Variants in PCDH9 observed in about 807,000 individuals in gnomAD.
The protein encoded by PCDH9 is protocadherin 9.
Under a neutral mutation model 70.6 loss-of-function variants are expected in PCDH9, and 24 were observed. The ratio of observed to expected loss-of-function variants is 0.34; its 90% CI spans 0.25 to 0.48. The LOEUF (loss-of-function observed/expected upper bound fraction) is 0.48. PCDH9 is among the 20% of genes least tolerant of loss of function. The pLI is 0.99. For synonymous variants in PCDH9, 562 were observed against 558.5 expected (o/e 1.01, Z -0.09); for missense variants, 1,281 against 1,503.6 (o/e 0.85, Z 2.45).
chr13:66,429,308 G>A (rs1032895803), intron 4 of PCDH9, among the ~76,000 whole-genome samples: 2 of 151,606 alleles, frequency 1.3e-5, no homozygotes, highest in African/African-American at 4.8e-5. Flanking sequence ...ACAAGCTAAT[G>A]TCATTTCCCA....
chr13:67,134,975 G>C (rs2087199683), intron 2 of PCDH9, among the ~76,000 whole-genome samples: 1 of 152,068 alleles, frequency 6.6e-6, no homozygotes, highest in South Asian at 2.1e-4. Context: ...AAAGTGAAAA[G>C]TGAAAACTTT....
intron 3 of PCDH9, among the ~76,000 whole-genome samples, chr13:66,876,176 A>C (rs1343014882): frequency 6.6e-6 from 1 of 152,186 alleles, no homozygotes; most frequent in Non-Finnish European, 1.5e-5. Flanking sequence ...ACTTACTAAA[A>C]CCAATAGCCA....
intron 4 of PCDH9, among the ~76,000 whole-genome samples, chr13:66,352,752 A>G (rs1486211701): frequency 6.6e-6 from 1 of 152,196 alleles, no homozygotes; most frequent in Non-Finnish European, 1.5e-5. Flanking sequence ...GTACATAATA[A>G]TAACCCATCT....
chr13:66,862,055 T>C (rs1343720416), intron 3 of PCDH9, among the ~76,000 whole-genome samples: 5 of 152,242 alleles, frequency 3.3e-5, no homozygotes, highest in East Asian at 3.8e-4. Flanking sequence ...TTGTGTCACA[T>C]TGAACTTGCA....
At chr13:66,330,086 T>C (rs1456594151) in intron 4 of PCDH9, among the ~76,000 whole-genome samples, 1 of 152,256 alleles carries the variant, frequency 6.6e-6, no homozygotes, top group Non-Finnish European at 1.5e-5. Flanking sequence ...ACAGCAAGAC[T>C]GGCTGAGAAA....
rs75349589 is a variant in PCDH9, at chr13:67,174,314, G to GATACATAC, written c.3036+51083_3036+51090dup. The stretch of plus-strand genomic sequence containing the variant: ...CAGATGATAGATAGATAGATAGATA[G>GATACATAC]ATACATACATACATACATACATACA... On this transcript the variant is annotated intron_variant, in intron 2 of 4. Transcript: ENST00000377865. Among the ~76,000 whole-genome samples, 1,426 of 149,558 alleles carry GATACATAC rather than the reference G, an allele frequency of 9.5e-3. 17 individuals are homozygous for GATACATAC. Among genetic ancestry groups the GATACATAC allele is most frequent in the African/African-American group, 0.026 (1,033 of 40,312 alleles).
At chr13:67,174,146 T>C (rs1438944364) in intron 2 of PCDH9, among the ~76,000 whole-genome samples, 1 of 152,126 alleles carries the variant, frequency 6.6e-6, no homozygotes, top group Non-Finnish European at 1.5e-5. Flanking sequence ...AAATTAAAAA[T>C]CCCTCTTAAG....
chr13:66,887,823 C>T (rs183183385), intron 3 of PCDH9, among the ~76,000 whole-genome samples: 19 of 152,148 alleles, frequency 1.2e-4, no homozygotes, highest in South Asian at 6.2e-4. Context: ...AACCTGATTG[C>T]AAAATGTTAA....
chr13:67,218,772 G>A (rs2089662780), intron 2 of PCDH9: 1 of 151,894 alleles, frequency 6.6e-6, no homozygotes, highest in African/African-American at 2.4e-5. Context: ...ATTTTCTCAA[G>A]GATCCAGAAT....
intron 2 of PCDH9, among the ~76,000 whole-genome samples, chr13:67,064,901 T>C (rs2085613793): frequency 6.9e-6 from 1 of 144,590 alleles, no homozygotes; most frequent in African/African-American, 2.6e-5. Flanking sequence ...AATAGATAGA[T>C]AGATAGATAG....
intron 3 of PCDH9, among the ~76,000 whole-genome samples, chr13:66,736,676 T>A (rs2079153748): frequency 6.6e-6 from 1 of 152,208 alleles, no homozygotes; most frequent in Non-Finnish European, 1.5e-5. Context: ...AACTGGTCAT[T>A]GCAACATTTT....
At chr13:66,348,988 G>A (rs1303942152) in intron 4 of PCDH9, among the ~76,000 whole-genome samples, 1 of 152,060 alleles carries the variant, frequency 6.6e-6, no homozygotes, top group Non-Finnish European at 1.5e-5. Context: ...ATATAAATGA[G>A]ATGCCAAAAA....
intron 3 of PCDH9, among the ~76,000 whole-genome samples, chr13:66,887,571 T>C (rs1371323750): frequency 6.6e-6 from 1 of 152,208 alleles, no homozygotes; most frequent in Non-Finnish European, 1.5e-5. Flanking sequence ...TGTAACAATA[T>C]GAAATCACGG....
At chr13:66,672,760 T>C (rs2078194024) in intron 3 of PCDH9, among the ~76,000 whole-genome samples, 1 of 152,204 alleles carries the variant, frequency 6.6e-6, no homozygotes, top group South Asian at 2.1e-4. Context: ...AGTCAAAGCA[T>C]ATCATTTTGG....
At chr13:66,409,545 G>A (rs796295869) in intron 4 of PCDH9, among the ~76,000 whole-genome samples, 15 of 145,202 alleles carry the variant, frequency 1.0e-4, no homozygotes, top group African/African-American at 3.5e-4. Context: ...CAAATTCTCC[G>A]ACTTAATAAC....
intron 4 of PCDH9, among the ~76,000 whole-genome samples, chr13:66,564,055 T>C (rs2076615633): frequency 1.3e-5 from 2 of 152,208 alleles, no homozygotes; most frequent in South Asian, 2.1e-4. Flanking sequence ...TAAGGCACAA[T>C]TGTGGGAGAA....
rs780906251 is a variant in PCDH9 at position 66,803,696 on chromosome 13, T to TTTC, written c.3138+99807_3138+99808insGAA. ...ACAATAATGATTCATTTCATATGCA[T>TTTC]ATTGCAAAAAGGTTTAGAGACTGCT... On this transcript the variant is annotated intron_variant, in intron 3 of 4. Transcript: ENST00000377865. Among the ~76,000 whole-genome samples, 283 of 152,294 alleles carry TTTC rather than the reference T, an allele frequency of 1.9e-3. 2 individuals are homozygous for TTTC. Among genetic ancestry groups the TTTC allele is most frequent in the Admixed American group, 2.1e-3 (32 of 15,294 alleles).
At chr13:67,026,757 T>G (rs540450956) in intron 2 of PCDH9, among the ~76,000 whole-genome samples, 3 of 151,994 alleles carry the variant, frequency 2.0e-5, no homozygotes, top group African/African-American at 4.8e-5. Context: ...ACAAGCATTC[T>G]TATACACCAA....
At chr13:66,592,976 A>G (rs1340763942) in intron 4 of PCDH9, among the ~76,000 whole-genome samples, 2 of 151,720 alleles carry the variant, frequency 1.3e-5, no homozygotes, top group African/African-American at 4.8e-5. Flanking sequence ...TTATTTGGAC[A>G]TTTATTTTCC....
Sources: allele counts gnomAD v4.1 joint callset (sites outside exome capture counted in the v4.1 genomes callset), GRCh38; gene constraint gnomAD v4.1.1; transcripts MANE v1.5; gene names NCBI Gene and HGNC (gene_info 2026-07-23, HGNC 2026-07-21).